Variants in SLC11A2 observed in about 807,000 individuals in gnomAD.
SLC11A2 encodes the protein solute carrier family 11 member 2, also known as natural resistance-associated macrophage protein 2.
In SLC11A2, 38 loss-of-function variants were observed where a neutral mutation model predicts 68.0. That is an observed-to-expected ratio of 0.56 (90% confidence interval 0.43 to 0.73). The LOEUF is 0.73. SLC11A2 is among the 30% of genes least tolerant of loss of function. The pLI is 0.00. For synonymous variants in SLC11A2, 242 were observed against 250.6 expected (o/e 0.97, Z 0.32); for missense variants, 517 against 690.5 (o/e 0.75, Z 2.82).
the SLC11A2 span, among the ~76,000 whole-genome samples, chr12:50,973,236 C>A: frequency 6.6e-6 from 1 of 152,170 alleles, no homozygotes; most frequent in Non-Finnish European, 1.5e-5. Context: ...CTGGGAGGCA[C>A]CCCCCAGTAG....
In SLC11A2 at chr12:50,987,539, G is replaced by A. The variant is rs1277023017; in HGVS notation, c.*786C>T. On this transcript the variant is annotated 3_prime_UTR_variant, in exon 16 of 16. Transcript: ENST00000262052. ...GAAAGTTAAGGTTTTACAACCACATGTGCTCAAGAGTAAATATCATCAGGA... is the reference window on the plus strand; with the variant it reads ...GAAAGTTAAGGTTTTACAACCACATATGCTCAAGAGTAAATATCATCAGGA... 7.8e-7 allele frequency: 1 copy of A among 1,287,180 alleles called. No individual in the cohort carries two copies. The highest frequency in any genetic ancestry group is 1.0e-6 in the Non-Finnish European group (1 of 988,688). The allele number at this position is 1,287,180 out of a possible 1,614,324, so 79.7% of individuals were successfully genotyped here.
At chr12:50,969,799 T>C in the SLC11A2 span, among the ~76,000 whole-genome samples, 1 of 152,094 alleles carries the variant, frequency 6.6e-6, no homozygotes, top group Non-Finnish European at 1.5e-5. Flanking sequence ...TCTGATGCCT[T>C]GATAACTGAG....
chr12:50,980,788 G>A (rs1462301857), downstream of SLC11A2: 2 of 152,184 alleles, frequency 1.3e-5, no homozygotes, highest in Admixed American at 6.5e-5. Flanking sequence ...GGGAATAGTG[G>A]GAAGAAAATA....
upstream of SLC11A2, among the ~76,000 whole-genome samples, chr12:51,027,787 C>CTTTATTCTTT (rs1944447666): frequency 6.6e-6 from 1 of 151,914 alleles, no homozygotes; most frequent in South Asian, 2.1e-4. Flanking sequence ...CTTCTTTATT[C>CTTTATTCTTT]ACGTAAAAAC....
At position 50,991,687 on chromosome 12, in the gene SLC11A2, A is replaced by T; in HGVS notation, c.1348-15T>A. 6.2e-7 allele frequency: 1 copy of T among 1,607,804 alleles called. No individual in the cohort carries two copies. Among genetic ancestry groups the T allele is most frequent in the South Asian group, 1.1e-5 (1 of 90,566 alleles). The stretch of plus-strand genomic sequence containing the variant: ...GCAAAGGGAAGCTGGAAAAGAAAGA[A>T]GATCAGATGGGATTACTATGGGTCC... On this transcript the variant is annotated splice_polypyrimidine_tract_variant and intron_variant, in intron 13 of 15. Coordinates refer to ENST00000262052, the MANE Select transcript of SLC11A2 (RefSeq NM_000617.3).
chr12:50,987,413 C>T lies in SLC11A2; in HGVS notation c.*912G>A. 1.6e-6 allele frequency: 2 copies of T among 1,287,194 alleles called. No individual in the cohort carries two copies. The highest frequency in any genetic ancestry group is 2.5e-5 in the South Asian group (2 of 80,930). 79.7% of individuals were successfully genotyped at this position (1,287,194 alleles called of 1,614,324 possible). On this transcript the variant is annotated 3_prime_UTR_variant, in exon 16 of 16. Transcript: ENST00000262052. ...GTGGCTTTAGGAACAAAATAGATGG[C>T]TCTCCTCCCTTAAAGTCTTTTCTCC...
chr12:50,957,937 G>GGTGTGTGT, the SLC11A2 span, among the ~76,000 whole-genome samples: 8,300 of 132,314 alleles, frequency 0.063, 370 homozygotes, highest in Non-Finnish European at 0.075. Flanking sequence ...ATGAATTGGA[G>GGTGTGTGT]GTGTGTGTGT....
downstream of SLC11A2, among the ~76,000 whole-genome samples, chr12:50,974,769 G>A (rs1381097923): frequency 6.6e-6 from 1 of 152,128 alleles, no homozygotes; most frequent in Non-Finnish European, 1.5e-5. Context: ...GACACACATA[G>A]GCTCAAAATA....
chr12:50,970,497 C>CA, the SLC11A2 span: 5 of 1,525,756 alleles, frequency 3.3e-6, no homozygotes, highest in Non-Finnish European at 4.4e-6. Context: ...TCAGTGAGTC[C>CA]AAAAAATGAA....
chr12:50,955,065 G>A, the SLC11A2 span, among the ~76,000 whole-genome samples: 1 of 152,162 alleles, frequency 6.6e-6, no homozygotes, highest in Non-Finnish European at 1.5e-5. Context: ...GCCGAGGCAG[G>A]TGGATCACTT....
chr12:50,969,602 G>A, the SLC11A2 span, among the ~76,000 whole-genome samples: 14,946 of 151,878 alleles, frequency 0.098, 1,149 homozygotes, highest in African/African-American at 0.21. Context: ...GGGAGGCTGA[G>A]GCAGGAGAAT....
At chr12:50,984,118 G>A (rs1409123119), downstream of SLC11A2, among the ~76,000 whole-genome samples, 5 of 150,916 alleles carry the variant, frequency 3.3e-5, no homozygotes, top group African/African-American at 7.3e-5. Context: ...GACAAAGCTC[G>A]ACTCCATCTC....
At chr12:51,009,044 A>G (rs923913088) in intron 2 of SLC11A2, 2 of 880,810 alleles carry the variant, frequency 2.3e-6, no homozygotes, top group Non-Finnish European at 3.6e-6. Flanking sequence ...CTAAAATCCT[A>G]GCTTTTAAAA....
chr12:51,001,311 G>A (rs750094913), intron 5 of SLC11A2, among the ~76,000 whole-genome samples: 8 of 151,816 alleles, frequency 5.3e-5, no homozygotes, highest in Non-Finnish European at 8.8e-5. Flanking sequence ...TCTACAAAAA[G>A]TATAAAAATT....
chr12:50,995,823 G>A (rs1234939867), intron 9 of SLC11A2, 36 bp from the exon 10 acceptor site: 8 of 1,601,508 alleles, frequency 5.0e-6, no homozygotes, highest in East Asian at 2.2e-5. Context: ...TTTTTGACCA[G>A]TTAGAACAAG....
At chr12:51,010,834 T>A in intron 1 of SLC11A2, 68 bp from the exon 2 acceptor site, 1 of 792,130 alleles carries the variant, frequency 1.3e-6, no homozygotes, top group East Asian at 2.6e-5. Flanking sequence ...ACCAGCAGTT[T>A]GTTACTCTGT....
upstream of SLC11A2, among the ~76,000 whole-genome samples, chr12:51,027,129 C>A (rs1944425107): frequency 6.6e-6 from 1 of 151,632 alleles, no homozygotes; most frequent in African/African-American, 2.4e-5. Flanking sequence ...GAGCCGAGAT[C>A]GCGCCATTGC....
the SLC11A2 span, among the ~76,000 whole-genome samples, chr12:50,963,080 G>C: frequency 6.6e-6 from 1 of 151,874 alleles, no homozygotes; most frequent in South Asian, 2.1e-4. Context: ...AGAAAAGAAA[G>C]GAAAGTAGGC....
At chr12:50,997,595 G>A (rs910123737) in intron 8 of SLC11A2, among the ~76,000 whole-genome samples, 5 of 145,778 alleles carry the variant, frequency 3.4e-5, no homozygotes, top group African/African-American at 1.2e-4. Context: ...GGGAGGCTGA[G>A]GTGGAAGGAT....
Sources: gnomAD v4.1 joint callset for allele counts (sites outside exome capture counted in the v4.1 genomes callset) on GRCh38, gnomAD v4.1.1 for gene constraint, MANE v1.5 for transcripts, NCBI Gene and HGNC (gene_info 2026-07-23, HGNC 2026-07-21) for gene names.